APOL5: variants seen among roughly 807,000 people sequenced by gnomAD.
APOL5 encodes apolipoprotein L, 5.
In APOL5, 29 loss-of-function variants were observed where a neutral mutation model predicts 35.5. The observed-to-expected ratio is 0.82, with a 90% CI of 0.61 to 1.11. APOL5 has a LOEUF of 1.11. Ranked by LOEUF, APOL5 falls within the 50% of genes most tolerant of loss-of-function variation. APOL5 has a pLI of 0.00. For synonymous variants in APOL5, 188 were observed against 200.2 expected (o/e 0.94, Z 0.51); for missense variants, 514 against 530.4 (o/e 0.97, Z 0.30).
At chr22:35,709,112 G>A in the APOL5 span, among the ~76,000 whole-genome samples, 1 of 152,116 alleles carries the variant, frequency 6.6e-6, no homozygotes, top group Non-Finnish European at 1.5e-5. Context: ...CATGGGTGGT[G>A]GACTTGAAAT....
the APOL5 span, among the ~76,000 whole-genome samples, chr22:35,711,194 A>T: frequency 1.3e-5 from 2 of 152,214 alleles, no homozygotes; most frequent in African/African-American, 4.8e-5. Flanking sequence ...CAACAAAAAA[A>T]GCAAACAAAC....
At chr22:35,722,410 C>T (rs1927003773) in intron 2 of APOL5, among the ~76,000 whole-genome samples, 1 of 152,190 alleles carries the variant, frequency 6.6e-6, no homozygotes, top group South Asian at 2.1e-4. Context: ...TCACGTGATT[C>T]TCCTGCCTCA....
At chr22:35,712,274 G>T in the APOL5 span, among the ~76,000 whole-genome samples, 1 of 152,156 alleles carries the variant, frequency 6.6e-6, no homozygotes, top group Admixed American at 6.5e-5. Flanking sequence ...CTCCCAAAGT[G>T]CTGGGATTAC....
At chr22:35,710,678 T>C in the APOL5 span, among the ~76,000 whole-genome samples, 2 of 152,106 alleles carry the variant, frequency 1.3e-5, no homozygotes, top group Non-Finnish European at 2.9e-5. Flanking sequence ...ACTGAAACTT[T>C]GCCCCAAGTA....
intron 3 of APOL5, among the ~76,000 whole-genome samples, chr22:35,727,933 A>G (rs1351960978): frequency 1.3e-5 from 2 of 152,278 alleles, no homozygotes; most frequent in Non-Finnish European, 2.9e-5. Context: ...TTCATCTTTA[A>G]TAGAATGACG....
intron 2 of APOL5, among the ~76,000 whole-genome samples, chr22:35,723,681 T>C (rs2146001384): frequency 6.6e-6 from 1 of 152,226 alleles, no homozygotes; most frequent in African/African-American, 2.4e-5. Flanking sequence ...CTACTTTGGG[T>C]TGGGCGTGAT....
chr22:35,714,712 A>ATCT (rs1926690074), upstream of APOL5, among the ~76,000 whole-genome samples: 1 of 152,200 alleles, frequency 6.6e-6, no homozygotes, highest in Non-Finnish European at 1.5e-5. Flanking sequence ...CCGACTGAGA[A>ATCT]GAGTTGAGAA....
upstream of APOL5, among the ~76,000 whole-genome samples, chr22:35,714,163 T>C (rs141205356): frequency 9.7e-3 from 1,471 of 152,054 alleles, 30 homozygotes; most frequent in African/African-American, 0.034. Context: ...AACACAAAAA[T>C]TAGCCAGGCG....
chr22:35,721,368 C>A (rs905555470), intron 2 of APOL5, among the ~76,000 whole-genome samples: 1 of 151,928 alleles, frequency 6.6e-6, no homozygotes, highest in Non-Finnish European at 1.5e-5. Context: ...CATGGTGAAA[C>A]GTCATTTCCA....
At chr22:35,718,217 G>A (rs1926827369) in intron 1 of APOL5, among the ~76,000 whole-genome samples, 1 of 152,192 alleles carries the variant, frequency 6.6e-6, no homozygotes, top group Admixed American at 6.5e-5. Flanking sequence ...GTGTGGCAGC[G>A]GGGAAGGGGT....
intron 2 of APOL5, among the ~76,000 whole-genome samples, chr22:35,721,623 G>A (rs1200758524): frequency 6.6e-6 from 1 of 152,120 alleles, no homozygotes; most frequent in East Asian, 1.9e-4. Flanking sequence ...AGAGGGCAAT[G>A]GAATCCTAGA....
At chr22:35,717,851 A>G, upstream of APOL5, 8 of 1,551,074 alleles carry the variant, frequency 5.2e-6, no homozygotes, top group Non-Finnish European at 7.0e-6. Context: ...TTATAAGCTT[A>G]AATTTTAAAA....
At chr22:35,728,398 T>C (rs1466758579) in intron 3 of APOL5, among the ~76,000 whole-genome samples, 1 of 152,126 alleles carries the variant, frequency 6.6e-6, no homozygotes, top group Non-Finnish European at 1.5e-5. Flanking sequence ...TAATTTTTTG[T>C]ATTTTTAGTA....
chr22:35,720,493 T>A, intron 1 of APOL5, 75 bp from the exon 2 acceptor site: 1 of 1,336,726 alleles, frequency 7.5e-7, no homozygotes, highest in Non-Finnish European at 1.1e-6. Context: ...CAGCCAACTT[T>A]CCCGGAGCAC....
At chr22:35,710,913 T>A in the APOL5 span, among the ~76,000 whole-genome samples, 11 of 152,226 alleles carry the variant, frequency 7.2e-5, no homozygotes, top group African/African-American at 2.4e-4. Flanking sequence ...ACGCCTGTAA[T>A]CCCAACACTT....
chr22:35,720,572 G>A lies in APOL5; in HGVS notation c.60G>A (p.Leu20=), dbSNP rs1210498647. Residue 20 remains leucine, a synonymous_variant, in exon 2 of 5, where the codon TTG becomes TTA. Transcript: ENST00000249044. The part of the protein sequence containing the change: ...QVPGSKVLPG[L]GEGCKEMWLR... ...CTGATCCTTGTCCATCTCCAGGCTT[G>A]GGAGAAGGTTGTAAAGAAATGTGGC... 6.2e-7 allele frequency: 1 copy of A among 1,614,016 alleles called. No homozygotes were observed. Among genetic ancestry groups the A allele is most frequent in the East Asian group, 2.2e-5 (1 of 44,874 alleles).
chr22:35,710,497 G>A, the APOL5 span, among the ~76,000 whole-genome samples: 1 of 150,218 alleles, frequency 6.7e-6, no homozygotes, highest in Non-Finnish European at 1.5e-5. Context: ...ACATATATAT[G>A]TACACACACA....
chr22:35,719,870 G>C (rs565873443), intron 1 of APOL5, among the ~76,000 whole-genome samples: 1 of 152,240 alleles, frequency 6.6e-6, no homozygotes, highest in Non-Finnish European at 1.5e-5. Flanking sequence ...GAGAGTGAGT[G>C]CAAGGTTTTA....
intron 3 of APOL5, among the ~76,000 whole-genome samples, chr22:35,728,390 A>T (rs564123545): frequency 3.9e-5 from 6 of 152,026 alleles, no homozygotes; most frequent in Admixed American, 6.5e-5. Context: ...CGCCTGGCTA[A>T]TTTTTTGTAT....
Sources: allele counts gnomAD v4.1 joint callset (sites outside exome capture counted in the v4.1 genomes callset), GRCh38; gene constraint gnomAD v4.1.1; transcripts MANE v1.5; gene names NCBI Gene and HGNC (gene_info 2026-07-23, HGNC 2026-07-21).